Variants in PRKG1 observed in about 807,000 individuals in gnomAD.
The protein encoded by PRKG1 is cGMP-dependent protein kinase 1.
Under a neutral mutation model 88.1 loss-of-function variants are expected in PRKG1, and 35 were observed. The observed-to-expected ratio is 0.40, with a 90% CI of 0.30 to 0.53. PRKG1 has a LOEUF of 0.53. Ranked by LOEUF, PRKG1 falls within the 20% of genes least tolerant of loss-of-function variation. The pLI, the probability that PRKG1 is intolerant of heterozygous loss-of-function variation, is 0.59. For synonymous variants in PRKG1, 303 were observed against 292.5 expected, an observed-to-expected ratio of 1.04 and a Z score of -0.37; for missense variants, 540 against 839.8, an observed-to-expected ratio of 0.64 and a Z score of 4.41.
intron 5 of PRKG1, among the ~76,000 whole-genome samples, chr10:51,995,588 C>G (rs1281064300): frequency 2.0e-5 from 3 of 152,022 alleles, no homozygotes; most frequent in Non-Finnish European, 2.9e-5. Flanking sequence ...CTTTTCTCCT[C>G]TACCATATTG....
At chr10:51,796,328 A>G (rs1455050495) in intron 3 of PRKG1, among the ~76,000 whole-genome samples, 1 of 152,142 alleles carries the variant, frequency 6.6e-6, no homozygotes, top group Non-Finnish European at 1.5e-5. Context: ...GAATTTTACT[A>G]GTAAACTTTT....
chr10:51,621,821 C>T (rs1391141769), intron 3 of PRKG1, among the ~76,000 whole-genome samples: 1 of 152,188 alleles, frequency 6.6e-6, no homozygotes, highest in Non-Finnish European at 1.5e-5. Context: ...GGTGTATTTA[C>T]ACTTCTTAAA....
intron 2 of PRKG1, among the ~76,000 whole-genome samples, chr10:51,438,173 A>T (rs1838993597): frequency 6.7e-6 from 1 of 148,710 alleles, no homozygotes; most frequent in Non-Finnish European, 1.5e-5. Flanking sequence ...CTTAAAAGTT[A>T]TCTTTTGGAA....
Position 51,118,081 on chromosome 10 carries a change from T to C in PRKG1, c.312-35083T>C, listed in dbSNP as rs149645816. On this transcript the variant is annotated intron_variant, in intron 1 of 17. Coordinates refer to ENST00000373980, the MANE Select transcript of PRKG1 (RefSeq NM_006258.4). ...GGAAGGGAAGTTGAATTACATGGCA[T>C]TGGAGATCCTTCCTAACCCTGAGAG... Among the ~76,000 whole-genome samples, 12 of 152,268 alleles carry C rather than the reference T, an allele frequency of 7.9e-5. No homozygotes were observed. In the East Asian group the frequency reaches 2.3e-3, roughly 29 times the overall value.
chr10:51,519,337 TC>T (rs1841676642), intron 3 of PRKG1, among the ~76,000 whole-genome samples: 1 of 152,128 alleles, frequency 6.6e-6, no homozygotes, highest in Admixed American at 6.5e-5. Flanking sequence ...GAGCCAAGTC[TC>T]AAAAATTTGG....
At chr10:52,000,397 G>T (rs76516521) in intron 5 of PRKG1, among the ~76,000 whole-genome samples, 6,911 of 152,014 alleles carry the variant, frequency 0.045, 361 homozygotes, top group African/African-American at 0.13. Flanking sequence ...ATACTTCAAG[G>T]TGATAATCTT....
At chr10:51,923,215 C>A (rs1373604669) in intron 5 of PRKG1, among the ~76,000 whole-genome samples, 1 of 151,756 alleles carries the variant, frequency 6.6e-6, no homozygotes. Flanking sequence ...ATAGCGATTT[C>A]TCCTTTCTTT....
chr10:51,246,570 G>A (rs1439937772), intron 2 of PRKG1, among the ~76,000 whole-genome samples: 1 of 149,116 alleles, frequency 6.7e-6, no homozygotes, highest in African/African-American at 2.5e-5. Flanking sequence ...GCCCTTTGCA[G>A]AATGTTTCTA....
At chr10:51,533,839 G>C (rs979880468) in intron 3 of PRKG1, among the ~76,000 whole-genome samples, 1 of 152,184 alleles carries the variant, frequency 6.6e-6, no homozygotes, top group Non-Finnish European at 1.5e-5. Context: ...CTGGAAAACA[G>C]TCTTAGAAAA....
At chr10:52,057,165 G>T (rs765159939) in intron 6 of PRKG1, among the ~76,000 whole-genome samples, 1 of 152,190 alleles carries the variant, frequency 6.6e-6, no homozygotes, top group African/African-American at 2.4e-5. Context: ...AATAGGGGCT[G>T]CCAAGCTACA....
intron 3 of PRKG1, among the ~76,000 whole-genome samples, chr10:51,545,484 T>A (rs1842423329): frequency 6.6e-6 from 1 of 152,104 alleles, no homozygotes; most frequent in Non-Finnish European, 1.5e-5. Flanking sequence ...ATGGAAAGCA[T>A]CCCTTCCTGG....
chr10:51,670,756 ATAAAT>A lies in PRKG1; in HGVS notation c.593-133828_593-133824del, dbSNP rs1564599593. ...GTCTCAAAAAAAAATAAATAAATAA[ATAAAT>A]AAATAAATAAATAAATAAATAAATA... On this transcript the variant is annotated intron_variant, in intron 3 of 17. Coordinates refer to ENST00000373980, the MANE Select transcript of PRKG1 (RefSeq NM_006258.4). Among the ~76,000 whole-genome samples the A allele has an allele frequency of 1.9e-3, 200 of 107,254 alleles. 3 individuals are homozygous for A. The highest frequency in any genetic ancestry group is 4.8e-3 in the African/African-American group (143 of 29,578). The allele number at this position is 107,254 out of a possible 152,430, so 70.4% of individuals were successfully genotyped here.
intron 8 of PRKG1, among the ~76,000 whole-genome samples, chr10:52,135,014 C>T (rs1837367022): frequency 6.6e-6 from 1 of 152,080 alleles, no homozygotes; most frequent in African/African-American, 2.4e-5. Flanking sequence ...AAAGCATTGT[C>T]CTGGAAGAAG....
At chr10:51,072,735 A>G (rs986006471), upstream of PRKG1, among the ~76,000 whole-genome samples, 2 of 152,168 alleles carry the variant, frequency 1.3e-5, no homozygotes, top group African/African-American at 4.8e-5. Context: ...ACATAAAAGA[A>G]TATTTAGGAC....
chr10:51,150,715 C>T (rs1198290732), intron 1 of PRKG1, among the ~76,000 whole-genome samples: 1 of 152,064 alleles, frequency 6.6e-6, no homozygotes, highest in Non-Finnish European at 1.5e-5. Flanking sequence ...ATTAAATGTC[C>T]TCCATCCAAA....
chr10:52,208,073 C>T (rs1474189174), intron 9 of PRKG1, among the ~76,000 whole-genome samples: 1 of 152,174 alleles, frequency 6.6e-6, no homozygotes. Context: ...GAAGGCTACA[C>T]TGTGAGGCAG....
At chr10:52,189,483 C>A (rs1393714634) in intron 9 of PRKG1, among the ~76,000 whole-genome samples, 1 of 152,130 alleles carries the variant, frequency 6.6e-6, no homozygotes, top group Non-Finnish European at 1.5e-5. Flanking sequence ...GAGCTCTGCC[C>A]CCTGTCAGAT....
chr10:51,462,862 A>T (rs1839782690), intron 2 of PRKG1, among the ~76,000 whole-genome samples: 1 of 152,150 alleles, frequency 6.6e-6, no homozygotes, highest in Non-Finnish European at 1.5e-5. Flanking sequence ...TTTCTTCCTT[A>T]TGAATATGGT....
intron 3 of PRKG1, among the ~76,000 whole-genome samples, chr10:51,757,496 C>T (rs544164893): frequency 6.6e-6 from 1 of 152,056 alleles, no homozygotes; most frequent in Non-Finnish European, 1.5e-5. Flanking sequence ...GGTAGTTTGC[C>T]CTAGGATCAT....
Sources: gnomAD v4.1 joint callset for allele counts (sites outside exome capture counted in the v4.1 genomes callset) on GRCh38, gnomAD v4.1.1 for gene constraint, MANE v1.5 for transcripts, NCBI Gene and HGNC (gene_info 2026-07-23, HGNC 2026-07-21) for gene names.